The following POU6F2 variants were observed in gnomAD, a reference collection of about 807,000 sequenced individuals.
The protein encoded by POU6F2 is POU class 6 homeobox 2.
In POU6F2, 31 loss-of-function variants were observed where a neutral mutation model predicts 71.3. The ratio of observed to expected loss-of-function variants is 0.43; its 90% confidence interval spans 0.33 to 0.59. POU6F2 has a LOEUF of 0.59. POU6F2 is among the 20% of genes least tolerant of loss of function. The pLI, the probability that POU6F2 is intolerant of heterozygous loss-of-function variation, is 0.04. For missense variants in POU6F2, 783 were observed against 856.8 expected (o/e 0.91, Z 1.07); for synonymous variants, 347 against 355.7 (o/e 0.98, Z 0.27).
chr7:39,072,714 A>G (rs750438084), intron 1 of POU6F2, among the ~76,000 whole-genome samples: 14 of 152,160 alleles, frequency 9.2e-5, no homozygotes, highest in Non-Finnish European at 1.9e-4. Flanking sequence ...TCACTGTGTG[A>G]GCTTCAGAGT....
At chr7:39,432,940 C>T (rs1182388200) in intron 6 of POU6F2, 137 bp from the exon 7 acceptor site, 6 of 745,412 alleles carry the variant, frequency 8.0e-6, no homozygotes, top group Non-Finnish European at 1.3e-5. Flanking sequence ...TTCCACCACA[C>T]CCCCCTCCAG....
At chr7:39,279,006 A>G (rs993922789) in intron 4 of POU6F2, among the ~76,000 whole-genome samples, 1 of 151,412 alleles carries the variant, frequency 6.6e-6, no homozygotes, top group Admixed American at 6.6e-5. Flanking sequence ...CTTAATCCCA[A>G]CTCTCGTTTC....
At chr7:39,035,468 A>G (rs761281769) in intron 1 of POU6F2, among the ~76,000 whole-genome samples, 3 of 152,208 alleles carry the variant, frequency 2.0e-5, no homozygotes, top group African/African-American at 7.2e-5. Flanking sequence ...ATTCTGGGGA[A>G]GTCTATGAAG....
chr7:39,231,920 A>G (rs1794584158), intron 4 of POU6F2, among the ~76,000 whole-genome samples: 1 of 152,214 alleles, frequency 6.6e-6, no homozygotes. Context: ...TGGAATTTGA[A>G]TCTATGTTTT....
intron 5 of POU6F2, among the ~76,000 whole-genome samples, chr7:39,382,368 A>G (rs113152405): frequency 0.01 from 1,575 of 152,252 alleles, 17 homozygotes; most frequent in African/African-American, 0.037. Flanking sequence ...AGGTCATCCA[A>G]TAGAAAGAGA....
At chr7:39,044,977 A>G (rs1352833254) in intron 1 of POU6F2, among the ~76,000 whole-genome samples, 2 of 151,882 alleles carry the variant, frequency 1.3e-5, no homozygotes, top group Non-Finnish European at 1.5e-5. Flanking sequence ...CCCTCACCAG[A>G]TGCAAATCTT....
At chr7:39,006,445 C>G (rs918522684) in intron 1 of POU6F2, among the ~76,000 whole-genome samples, 2 of 151,882 alleles carry the variant, frequency 1.3e-5, no homozygotes, top group African/African-American at 4.8e-5. Context: ...GCCTGGGTGA[C>G]AGAGCAAGAC....
chr7:39,316,621 T>C (rs549436739), intron 4 of POU6F2, among the ~76,000 whole-genome samples: 3 of 152,332 alleles, frequency 2.0e-5, no homozygotes, highest in East Asian at 1.9e-4. Context: ...ATAAGACTTA[T>C]GTCTTGGGAG....
At chr7:39,191,488 TA>T (rs1562740209) in intron 2 of POU6F2, among the ~76,000 whole-genome samples, 1 of 150,114 alleles carries the variant, frequency 6.7e-6, no homozygotes, top group Non-Finnish European at 1.5e-5. Context: ...CTGTAAGTTA[TA>T]ATCAGAGTCC....
chr7:39,397,359 A>G (rs970252020), intron 5 of POU6F2, among the ~76,000 whole-genome samples: 1 of 148,178 alleles, frequency 6.7e-6, no homozygotes, highest in African/African-American at 2.5e-5. Context: ...AGACATATAT[A>G]GACAAATATA....
At position 39,433,083 on chromosome 7, in the gene POU6F2, G is replaced by A. The variant is rs764143635; in HGVS notation, c.1120G>A (p.Gly374Arg). The change falls in exon 7 of 10, where the codon GGG becomes AGG. Residue 374 changes from glycine (G) to arginine (R), a missense_variant. Coordinates refer to ENST00000518318, the MANE Select transcript of POU6F2 (RefSeq NM_001370959.1). ...LVTNAQGQII[G>R]TIPLMPNPGP... ...CTTTGGCCCTCTCTTGCAGATTATC[G>A]GGACCATTCCACTGATGCCTAATCC... 8.7e-6 allele frequency: 14 copies of A among 1,612,508 alleles called. No homozygotes were observed. Among genetic ancestry groups the A allele is most frequent in the Admixed American group, 8.3e-5 (5 of 59,908 alleles).
At chr7:39,003,381 C>T (rs1475356542) in intron 1 of POU6F2, among the ~76,000 whole-genome samples, 1 of 151,384 alleles carries the variant, frequency 6.6e-6, no homozygotes, top group African/African-American at 2.4e-5. Flanking sequence ...AAATACTCAG[C>T]GACCTGGATA....
intron 2 of POU6F2, among the ~76,000 whole-genome samples, chr7:39,134,599 A>G (rs2128730394): frequency 6.6e-6 from 1 of 152,306 alleles, no homozygotes; most frequent in Non-Finnish European, 1.5e-5. Context: ...TTGTATCTAT[A>G]GCTCAAAGTC....
intron 4 of POU6F2, among the ~76,000 whole-genome samples, chr7:39,282,758 T>C (rs1046616195): frequency 2.0e-5 from 3 of 152,186 alleles, no homozygotes; most frequent in Non-Finnish European, 4.4e-5. Context: ...TTGCTTTGGC[T>C]GTTTGGGTTG....
intron 5 of POU6F2, among the ~76,000 whole-genome samples, chr7:39,352,375 T>C (rs1786154523): frequency 6.6e-6 from 1 of 152,176 alleles, no homozygotes; most frequent in African/African-American, 2.4e-5. Context: ...CATTTGAGAT[T>C]GCCTGCCTCA....
At chr7:39,234,184 A>G (rs1219171745) in intron 4 of POU6F2, among the ~76,000 whole-genome samples, 1 of 152,144 alleles carries the variant, frequency 6.6e-6, no homozygotes, top group African/African-American at 2.4e-5. Context: ...ATTGAATAAG[A>G]TGGTACCCTT....
At chr7:39,408,107 A>C (rs989780284) in intron 6 of POU6F2, among the ~76,000 whole-genome samples, 12 of 152,268 alleles carry the variant, frequency 7.9e-5, no homozygotes, top group Middle Eastern at 3.4e-3. Flanking sequence ...GGTGTAGAGG[A>C]AAAGTTGGTT....
intron 5 of POU6F2, chr7:39,404,473 A>C (rs535083121): frequency 5.0e-4 from 76 of 152,376 alleles, no homozygotes; most frequent in African/African-American, 1.8e-3. Flanking sequence ...TCTTTTCATT[A>C]AATATAAATA....
intron 5 of POU6F2, among the ~76,000 whole-genome samples, chr7:39,380,587 G>A (rs1476610531): frequency 6.6e-6 from 1 of 152,154 alleles, no homozygotes; most frequent in Non-Finnish European, 1.5e-5. Context: ...CAACATCAGT[G>A]TGAGAATACT....
Sources: gnomAD v4.1 joint callset for allele counts (sites outside exome capture counted in the v4.1 genomes callset) on GRCh38, gnomAD v4.1.1 for gene constraint, MANE v1.5 for transcripts, NCBI Gene and HGNC (gene_info 2026-07-23, HGNC 2026-07-21) for gene names.